Variants in RTN1 observed in about 807,000 individuals in gnomAD.
The protein encoded by RTN1 is reticulon 1, also known as reticulon-1.
RTN1 carries 25 observed loss-of-function variants against 65.5 expected under a neutral mutation model. The observed-to-expected ratio is 0.38, with a 90% CI of 0.28 to 0.53. The LOEUF is 0.53. Among genes scored for constraint, RTN1 ranks in the 20% least tolerant of loss-of-function variants. The pLI, the probability that RTN1 is intolerant of heterozygous loss-of-function variation, is 0.79. For synonymous variants in RTN1, 471 were observed against 447.6 expected, an observed-to-expected ratio of 1.05 and a Z score of -0.66; for missense variants, 983 against 1,025.4, an observed-to-expected ratio of 0.96 and a Z score of 0.57.
At chr14:59,646,205 A>C (rs1457017942) in intron 3 of RTN1, among the ~76,000 whole-genome samples, 4 of 152,242 alleles carry the variant, frequency 2.6e-5, no homozygotes, top group African/African-American at 7.2e-5. Context: ...CTGAGGAAGA[A>C]ATCTCAGAAC....
chr14:59,802,496 T>C (rs1000624418), intron 1 of RTN1, among the ~76,000 whole-genome samples: 1 of 152,232 alleles, frequency 6.6e-6, no homozygotes, highest in Non-Finnish European at 1.5e-5. Flanking sequence ...TCCATTAACT[T>C]GAATGATTAT....
chr14:59,843,549 A>C (rs1887352428), intron 1 of RTN1, among the ~76,000 whole-genome samples: 1 of 152,248 alleles, frequency 6.6e-6, no homozygotes, highest in Non-Finnish European at 1.5e-5. Context: ...TATAGCTATT[A>C]TTGTTATTCA....
chr14:59,830,076 G>A (rs556062446), intron 1 of RTN1, among the ~76,000 whole-genome samples: 41 of 152,296 alleles, frequency 2.7e-4, no homozygotes, highest in African/African-American at 9.1e-4. Flanking sequence ...CACCCAAACT[G>A]GTTAGTTGTG....
chr14:59,826,993 T>G (rs969683333), intron 1 of RTN1, among the ~76,000 whole-genome samples: 3 of 152,194 alleles, frequency 2.0e-5, no homozygotes, highest in Non-Finnish European at 4.4e-5. Context: ...GGTAGCTGGA[T>G]GACAAGAAGC....
chr14:59,597,569 A>G (rs2140154741), intron 8 of RTN1, among the ~76,000 whole-genome samples: 1 of 152,382 alleles, frequency 6.6e-6, no homozygotes, highest in Middle Eastern at 3.4e-3. Context: ...GTGGTCAACA[A>G]AAGGGAGGAG....
At chr14:59,778,981 C>T (rs1886103322) in intron 1 of RTN1, among the ~76,000 whole-genome samples, 1 of 152,078 alleles carries the variant, frequency 6.6e-6, no homozygotes, top group Non-Finnish European at 1.5e-5. Context: ...GAGATCTGAC[C>T]TGATTTCAGA....
At chr14:59,690,412 T>C (rs1017438531) in intron 3 of RTN1, among the ~76,000 whole-genome samples, 3 of 152,088 alleles carry the variant, frequency 2.0e-5, no homozygotes, top group African/African-American at 7.2e-5. Flanking sequence ...ATCCTAAATA[T>C]ATATGCACCC....
At chr14:59,644,444 C>T (rs1194948976) in intron 3 of RTN1, among the ~76,000 whole-genome samples, 3 of 152,144 alleles carry the variant, frequency 2.0e-5, no homozygotes, top group Admixed American at 6.6e-5. Flanking sequence ...TCCATCAGGG[C>T]CTGTGGTATG....
intron 3 of RTN1, among the ~76,000 whole-genome samples, chr14:59,617,025 T>C (rs1011767961): frequency 1.1e-4 from 17 of 152,246 alleles, no homozygotes; most frequent in African/African-American, 4.1e-4. Flanking sequence ...TTGTTAATAT[T>C]CTCAATTTAT....
In RTN1 at chr14:59,746,039, G is replaced by A. The variant is rs1594716919; in HGVS notation, c.684C>T (p.Asp228=). ...KDLDFKNKDT[D]ISIKPEGVRE... The stretch of plus-strand genomic sequence containing the variant: ...GGACTCCTTCAGGTTTAATTGAGAT[G>A]TCAGTGTCTTTATTCTTAAAGTCCA... Residue 228 remains aspartate, a synonymous_variant, in exon 2 of 9, where the codon GAC becomes GAT. Coordinates refer to ENST00000267484, the MANE Select transcript of RTN1 (RefSeq NM_021136.3). 3 of 1,614,034 alleles carry A rather than the reference G, an allele frequency of 1.9e-6. No individual in the cohort carries two copies. Among genetic ancestry groups the A allele is most frequent in the Non-Finnish European group, 2.5e-6 (3 of 1,180,016 alleles).
At chr14:59,721,951 C>T (rs912363791) in intron 3 of RTN1, among the ~76,000 whole-genome samples, 3 of 152,118 alleles carry the variant, frequency 2.0e-5, no homozygotes, top group Non-Finnish European at 2.9e-5. Flanking sequence ...TACTCAACTC[C>T]CTGTTGGTGT....
intron 3 of RTN1, among the ~76,000 whole-genome samples, chr14:59,654,508 A>C (rs1481849702): frequency 6.6e-6 from 1 of 151,756 alleles, no homozygotes; most frequent in African/African-American, 2.4e-5. Context: ...TGCTAAAATC[A>C]GAAAAAGTCA....
At chr14:59,689,512 C>T (rs911715214) in intron 3 of RTN1, among the ~76,000 whole-genome samples, 22 of 152,124 alleles carry the variant, frequency 1.4e-4, no homozygotes, top group African/African-American at 4.3e-4. Context: ...AGTCACCAGA[C>T]TGTCAAAGGT....
intron 1 of RTN1, among the ~76,000 whole-genome samples, chr14:59,860,010 T>A (rs564504769): frequency 6.6e-6 from 1 of 152,216 alleles, no homozygotes; most frequent in Non-Finnish European, 1.5e-5. Context: ...AATAATGTGA[T>A]AGAAAACCCA....
At chr14:59,843,178 G>A (rs1185190264) in intron 1 of RTN1, among the ~76,000 whole-genome samples, 2 of 152,190 alleles carry the variant, frequency 1.3e-5, no homozygotes, top group Non-Finnish European at 2.9e-5. Context: ...ACAATAACAT[G>A]AATGTTTAGC....
intron 3 of RTN1, among the ~76,000 whole-genome samples, chr14:59,705,387 G>A (rs1219358683): frequency 1.3e-5 from 2 of 152,162 alleles, no homozygotes; most frequent in Admixed American, 1.3e-4. Flanking sequence ...AAACAAGGAG[G>A]AAATGCACTT....
At chr14:59,716,220 A>C (rs1358440658) in intron 3 of RTN1, among the ~76,000 whole-genome samples, 1 of 152,228 alleles carries the variant, frequency 6.6e-6, no homozygotes, top group Non-Finnish European at 1.5e-5. Flanking sequence ...CAGGCCAATT[A>C]CCTGGAAATC....
At chr14:59,785,680 C>T (rs991619872) in intron 1 of RTN1, among the ~76,000 whole-genome samples, 1 of 152,180 alleles carries the variant, frequency 6.6e-6, no homozygotes, top group Non-Finnish European at 1.5e-5. Context: ...ATTTTTAAAA[C>T]TGCCACTGAA....
intron 3 of RTN1, among the ~76,000 whole-genome samples, chr14:59,705,104 G>A (rs143072749): frequency 5.3e-5 from 8 of 152,240 alleles, no homozygotes; most frequent in Non-Finnish European, 1.2e-4. Context: ...GAGGGTAGAG[G>A]TGAAATAAGA....
Sources: allele counts gnomAD v4.1 joint callset (sites outside exome capture counted in the v4.1 genomes callset), GRCh38; gene constraint gnomAD v4.1.1; transcripts MANE v1.5; gene names NCBI Gene and HGNC (gene_info 2026-07-23, HGNC 2026-07-21).